Variants in SDK2 observed in about 807,000 individuals in gnomAD.
SDK2 encodes sidekick cell adhesion molecule 2, also known as protein sidekick-2.
SDK2 carries 105 observed loss-of-function variants against 253.9 expected under a neutral mutation model. That is an observed-to-expected ratio of 0.41 (90% CI 0.35 to 0.49). The LOEUF is 0.49. Ranked by LOEUF, SDK2 falls within the 20% of genes least tolerant of loss-of-function variation. SDK2 has a pLI of 0.06. For synonymous variants in SDK2, 1,249 were observed against 1,234.9 expected, an observed-to-expected ratio of 1.01 and a Z score of -0.24; for missense variants, 2,608 against 3,003.0, an observed-to-expected ratio of 0.87 and a Z score of 3.07.
chr17:73,554,389 A>C (rs2045111588), intron 1 of SDK2, among the ~76,000 whole-genome samples: 1 of 152,202 alleles, frequency 6.6e-6, no homozygotes, highest in Non-Finnish European at 1.5e-5. Flanking sequence ...AGAGGTAACT[A>C]AGGTTAAATG....
At chr17:73,587,535 G>T (rs375902327) in intron 1 of SDK2, among the ~76,000 whole-genome samples, 10 of 152,216 alleles carry the variant, frequency 6.6e-5, no homozygotes, top group African/African-American at 2.4e-4. Context: ...CGTTATCTGT[G>T]TTACTGGGGC....
intron 1 of SDK2, among the ~76,000 whole-genome samples, chr17:73,631,645 G>A (rs1161303968): frequency 1.3e-5 from 2 of 152,228 alleles, no homozygotes; most frequent in Non-Finnish European, 1.5e-5. Context: ...GGGACTGGGT[G>A]GATGTTTTGG....
intron 38 of SDK2, among the ~76,000 whole-genome samples, chr17:73,364,660 C>T (rs187137119): frequency 1.9e-4 from 29 of 152,198 alleles, no homozygotes; most frequent in Middle Eastern, 3.4e-3. Flanking sequence ...CTAGCTCTGT[C>T]GCCCAGGCTG....
Position 73,401,176 on chromosome 17 carries a change from T to C in SDK2, c.2815A>G (p.Asn939Asp). The C allele has an allele frequency of 6.4e-7, 1 of 1,556,086 alleles. No homozygotes were observed. The highest frequency in any genetic ancestry group is 8.7e-7 in the Non-Finnish European group (1 of 1,149,594). ...GGCAGGTAGTGGGTCACACGGGTGTTGGTTCGATTGTACTCCTCCCAGGAG... is the reference window on the plus strand; with the variant it reads ...GGCAGGTAGTGGGTCACACGGGTGTCGGTTCGATTGTACTCCTCCCAGGAG... The part of the protein sequence containing the change: ...RISWEEYNRT[N>D]TRVTHYLPNV... Residue 939 changes from asparagine to aspartate, a missense_variant, in exon 21 of 45, where the codon AAC (asparagine) becomes GAC (aspartate). Transcript: ENST00000392650.
At chr17:73,516,174 T>C (rs1324248619) in intron 1 of SDK2, among the ~76,000 whole-genome samples, 1 of 152,098 alleles carries the variant, frequency 6.6e-6, no homozygotes, top group Non-Finnish European at 1.5e-5. Flanking sequence ...CTGGGATGGC[T>C]CATAAGGTTT....
rs1305359591 is a variant in SDK2 at position 73,447,583 on chromosome 17, C to T, written c.613+32G>A. The T allele has an allele frequency of 1.8e-5, 28 of 1,551,236 alleles. No homozygotes were observed. Among genetic ancestry groups the T allele is most frequent in the Non-Finnish European group, 2.4e-5 (28 of 1,146,658 alleles). The stretch of plus-strand genomic sequence containing the variant: ...CATTGCTAAGATTTAATGGCCCGCT[C>T]CAAGATCGGTCCCGGCCCTGTGCGT... On this transcript the variant is annotated intron_variant, in intron 5 of 44. Transcript: ENST00000392650. This position sits in a 1 kb window ranked among gnomAD's most constrained non-coding sequence, Gnocchi z 4.0.
chr17:73,436,110 C>T (rs965966329), intron 8 of SDK2, among the ~76,000 whole-genome samples: 9 of 152,210 alleles, frequency 5.9e-5, no homozygotes, highest in Middle Eastern at 6.8e-3. Flanking sequence ...CTCTGGGAAC[C>T]TCCAAGTGGG....
rs2063464553 is a variant in SDK2 at position 73,447,820 on chromosome 17, AC to A, written c.480-73del. On this transcript the variant is annotated intron_variant, in intron 4 of 44. Coordinates refer to ENST00000392650, the MANE Select transcript of SDK2 (RefSeq NM_001144952.2). The surrounding 1 kb of genome is among the most constrained non-coding windows in gnomAD (Gnocchi z 4.0). ...GAACCTCCAGGGAGTGGGAGTGGAA[AC>A]CCTAAGGGGGAAGCCCGACCATATC... The A allele has an allele frequency of 1.3e-6, 2 of 1,530,470 alleles. No homozygotes were observed. The highest frequency in any genetic ancestry group is 4.9e-5 in the East Asian group (2 of 40,600). The allele number at this position is 1,530,470 out of a possible 1,614,324, so 94.8% of individuals were successfully genotyped here. A position where few individuals can be genotyped will look rare whatever the true frequency, so the allele number is the denominator to read the frequency against.
intron 25 of SDK2, among the ~76,000 whole-genome samples, chr17:73,394,823 C>T (rs1160050422): frequency 1.3e-5 from 2 of 152,196 alleles, no homozygotes; most frequent in Admixed American, 6.5e-5. Flanking sequence ...GACCCCTCCA[C>T]TGTGGTCTTT....
intron 39 of SDK2, among the ~76,000 whole-genome samples, chr17:73,360,853 T>C (rs969085846): frequency 1.1e-4 from 16 of 151,388 alleles, no homozygotes; most frequent in Admixed American, 1.1e-3. Flanking sequence ...TGAGAATTGC[T>C]TGAACCCGGG....
Position 73,397,674 on chromosome 17 carries a change from G to A in SDK2, c.3354+361C>T, listed in dbSNP as rs372303826. ...ACAGTGGCACTTGAACCCCAGACCC[G>A]CCGCTTGGGAGCTGTGTGGCTGTGG... On this transcript the variant is annotated intron_variant, in intron 24 of 44. Coordinates refer to ENST00000392650, the MANE Select transcript of SDK2 (RefSeq NM_001144952.2). 1.1e-3 allele frequency among the ~76,000 whole-genome samples: 167 copies of A among 152,312 alleles called. 4 individuals carry two copies. The South Asian group carries it at 0.034, about 31-fold the overall frequency.
At chr17:73,403,234 G>A (rs1265722025) in intron 18 of SDK2, among the ~76,000 whole-genome samples, 2 of 152,200 alleles carry the variant, frequency 1.3e-5, no homozygotes, top group African/African-American at 2.4e-5. Context: ...CGTCTTTGGA[G>A]CTCTCCAAGG....
chr17:73,409,362 T>G (rs2063106665), intron 18 of SDK2, among the ~76,000 whole-genome samples: 1 of 152,130 alleles, frequency 6.6e-6, no homozygotes, highest in Non-Finnish European at 1.5e-5. Context: ...ATGCCTGTAG[T>G]TCCAGCTACT....
In SDK2 at chr17:73,379,167, G is replaced by A. The variant is rs751442576; in HGVS notation, c.4980+10C>T. 6 of 1,549,652 alleles carry A rather than the reference G, an allele frequency of 3.9e-6. No individual in the cohort carries two copies. The African/African-American group carries it at 5.5e-5, about 14-fold the overall frequency. ...CGTGCACCCCTTTGCTCTGCCCGAG[G>A]GCACCCTACCTTGTACCCCTGGATG... On this transcript the variant is annotated intron_variant, in intron 36 of 44. Transcript: ENST00000392650. The surrounding 1 kb of genome is among the most constrained non-coding windows in gnomAD (Gnocchi z 4.5).
intron 1 of SDK2, among the ~76,000 whole-genome samples, chr17:73,625,432 C>T (rs1782056121): frequency 6.6e-6 from 1 of 152,144 alleles, no homozygotes; most frequent in Non-Finnish European, 1.5e-5. Context: ...GGTGGCCTCT[C>T]TGCTTTCCAG....
chr17:73,511,382 C>T lies in SDK2; in HGVS notation c.65-3785G>A, dbSNP rs536280715. ...AGCACGCACACGCTCTGCGCCCAGA[C>T]GCCCTCGCCTCTGTAAACCTGCTCA... On this transcript the variant is annotated intron_variant, in intron 1 of 44. Coordinates refer to ENST00000392650, the MANE Select transcript of SDK2 (RefSeq NM_001144952.2). This position sits in a 1 kb window ranked among gnomAD's most constrained non-coding sequence, Gnocchi z 4.9. Among the ~76,000 whole-genome samples the T allele has an allele frequency of 1.4e-4, 22 of 152,328 alleles. No individual in the cohort carries two copies. The highest frequency in any genetic ancestry group is 4.1e-4 in the South Asian group (2 of 4,830).
chr17:73,472,483 C>G (rs1297524443), intron 2 of SDK2, among the ~76,000 whole-genome samples: 1 of 152,172 alleles, frequency 6.6e-6, no homozygotes, highest in Non-Finnish European at 1.5e-5. Context: ...GTGCTGCACC[C>G]GAATCCTTGA....
intron 1 of SDK2, among the ~76,000 whole-genome samples, chr17:73,553,513 A>G (rs1465952408): frequency 1.3e-5 from 2 of 152,094 alleles, no homozygotes; most frequent in Admixed American, 1.3e-4. Context: ...ACCTATTCCT[A>G]TGATGGTGTT....
chr17:73,636,337 C>T (rs1029169615), intron 1 of SDK2, among the ~76,000 whole-genome samples: 16 of 151,966 alleles, frequency 1.1e-4, no homozygotes, highest in African/African-American at 1.9e-4. Flanking sequence ...GTGCACCAAA[C>T]GTGAGCTCGG....
Sources: gnomAD v4.1 joint callset for allele counts (sites outside exome capture counted in the v4.1 genomes callset) on GRCh38, gnomAD v4.1.1 for gene constraint, Gnocchi (gnomAD v3.1) non-coding constraint, MANE v1.5 for transcripts, NCBI Gene and HGNC (gene_info 2026-07-23, HGNC 2026-07-21) for gene names.